The following CAPZA2 variants were observed in gnomAD, a reference collection of about 807,000 sequenced individuals.
CAPZA2 encodes capping actin protein of muscle Z-line subunit alpha 2.
In CAPZA2, 13 loss-of-function variants were observed where a neutral mutation model predicts 44.0. The ratio of observed to expected loss-of-function variants is 0.30; its 90% CI spans 0.19 to 0.47. The LOEUF (loss-of-function observed/expected upper bound fraction) is 0.47. Among genes scored for constraint, CAPZA2 ranks in the 20% least tolerant of loss-of-function variants. The pLI is 1.00. For missense variants in CAPZA2, 244 were observed against 338.6 expected, an observed-to-expected ratio of 0.72 and a Z score of 2.19; for synonymous variants, 94 against 108.2, an observed-to-expected ratio of 0.87 and a Z score of 0.81.
intron 1 of CAPZA2, among the ~76,000 whole-genome samples, chr7:116,880,897 C>T (rs974708982): frequency 6.6e-6 from 1 of 150,764 alleles, no homozygotes; most frequent in Non-Finnish European, 1.5e-5. Context: ...TTAGTAGAGA[C>T]AGGGTTTCTC....
At chr7:116,916,611 C>A (rs577848604) in intron 9 of CAPZA2, among the ~76,000 whole-genome samples, 1 of 151,306 alleles carries the variant, frequency 6.6e-6, no homozygotes. Flanking sequence ...GGTGACAGAG[C>A]GAGACTCCGT....
chr7:116,893,133 T>G, intron 3 of CAPZA2, 88 bp downstream of exon 3: 1 of 862,498 alleles, frequency 1.2e-6, no homozygotes, highest in Non-Finnish European at 1.8e-6. Context: ...TTTTGTGGGT[T>G]TTTTTGTTTT....
intron 9 of CAPZA2, 116 bp from the exon 10 acceptor site, chr7:116,917,610 GT>G: frequency 1.3e-6 from 1 of 782,706 alleles, no homozygotes. Context: ...TTATTTGACT[GT>G]TTAAAAACAG....
chr7:116,889,533 G>A (rs2115922293), intron 2 of CAPZA2, among the ~76,000 whole-genome samples: 1 of 149,912 alleles, frequency 6.7e-6, no homozygotes, highest in South Asian at 2.1e-4. Flanking sequence ...ACCAGCCTGG[G>A]CAACATAGTG....
At chr7:116,912,175 A>G (rs1367071599) in intron 8 of CAPZA2, 35 bp downstream of exon 8, 2 of 1,605,996 alleles carry the variant, frequency 1.2e-6, no homozygotes, top group Non-Finnish European at 1.7e-6. Flanking sequence ...ATTTAACCTA[A>G]TACTTCTGTA....
chr7:116,870,500 C>CA (rs1242131280), intron 1 of CAPZA2, among the ~76,000 whole-genome samples: 5 of 152,160 alleles, frequency 3.3e-5, no homozygotes, highest in Non-Finnish European at 7.3e-5. Flanking sequence ...TCCATCTCAT[C>CA]AATGTTGACA....
chr7:116,879,474 C>G (rs1381483068), intron 1 of CAPZA2, among the ~76,000 whole-genome samples: 1 of 152,060 alleles, frequency 6.6e-6, no homozygotes, highest in Non-Finnish European at 1.5e-5. Flanking sequence ...CAGGGGATAG[C>G]GGGGTGGGGA....
At chr7:116,889,538 A>T (rs1179095335) in intron 2 of CAPZA2, among the ~76,000 whole-genome samples, 1 of 151,504 alleles carries the variant, frequency 6.6e-6, no homozygotes, top group Non-Finnish European at 1.5e-5. Flanking sequence ...CCTGGGCAAC[A>T]TAGTGAGGCC....
intron 1 of CAPZA2, among the ~76,000 whole-genome samples, chr7:116,884,728 A>G (rs572797693): frequency 6.6e-6 from 1 of 152,224 alleles, no homozygotes; most frequent in South Asian, 2.1e-4. Flanking sequence ...ATAAGTTTTT[A>G]TATGAAAATA....
At position 116,870,807 on chromosome 7, in the gene CAPZA2, A is replaced by G. The variant is rs565867391; in HGVS notation, c.39+8157A>G. Among the ~76,000 whole-genome samples, 4 of 152,352 alleles carry G rather than the reference A, an allele frequency of 2.6e-5. No homozygotes were observed. In the South Asian group the frequency reaches 8.3e-4, roughly 32 times the overall value. On this transcript the variant is annotated intron_variant, in intron 1 of 9. Coordinates refer to ENST00000361183, the MANE Select transcript of CAPZA2 (RefSeq NM_006136.3). ...TTAGAGTTGGAATCAAGAAGACTTG[A>G]TAAATGAATATAGGGGAAAGGCGTG...
At chr7:116,891,465 A>G (rs1796845320) in intron 2 of CAPZA2, among the ~76,000 whole-genome samples, 1 of 152,242 alleles carries the variant, frequency 6.6e-6, no homozygotes, top group African/African-American at 2.4e-5. Context: ...GTTAATTTCA[A>G]AATTAAAATA....
rs537160381 is a variant in CAPZA2 at position 116,885,834 on chromosome 7, C to T, written c.40-2293C>T. ...CAGCTCTTCCGAAGCTCTCCAAACC[C>T]TCTTTATGGGTTTTTATGGAGGCAT... On this transcript the variant is annotated intron_variant, in intron 1 of 9. Coordinates refer to ENST00000361183, the MANE Select transcript of CAPZA2 (RefSeq NM_006136.3). Among the ~76,000 whole-genome samples, 6 of 152,268 alleles carry T rather than the reference C, an allele frequency of 3.9e-5. No homozygotes were observed. In the South Asian group the frequency reaches 8.3e-4, roughly 21 times the overall value.
chr7:116,868,124 A>G (rs987449877), intron 1 of CAPZA2, among the ~76,000 whole-genome samples: 2 of 152,194 alleles, frequency 1.3e-5, no homozygotes, highest in Non-Finnish European at 2.9e-5. Context: ...TGAAAATCTC[A>G]GTCATCTCTC....
rs1023698942 is a variant in CAPZA2, at chr7:116,904,801, T to C, written c.426+418T>C. ...AGTTACATTTCTTGTGTTTTTTGTG[T>C]GGTTCTTTCGTAGGTTCAACCTATT... is the stretch of plus-strand genomic sequence containing the variant. On this transcript the variant is annotated intron_variant, in intron 5 of 9. Coordinates refer to ENST00000361183, the MANE Select transcript of CAPZA2 (RefSeq NM_006136.3). The C allele has an allele frequency of 5.1e-5, 8 of 156,786 alleles. No homozygotes were observed. In the Admixed American group the frequency reaches 5.2e-4, roughly 10 times the overall value. The allele number at this position is 156,786 out of a possible 1,614,324, so 9.7% of individuals were successfully genotyped here. A position where few individuals can be genotyped will look rare whatever the true frequency, so the allele number is the denominator to read the frequency against.
intron 4 of CAPZA2, among the ~76,000 whole-genome samples, chr7:116,903,806 A>C (rs1214837018): frequency 6.6e-6 from 1 of 152,202 alleles, no homozygotes; most frequent in Non-Finnish European, 1.5e-5. Context: ...CCCTGATTGG[A>C]GGTTCTCACA....
intron 1 of CAPZA2, among the ~76,000 whole-genome samples, chr7:116,877,151 C>A (rs760487594): frequency 2.0e-5 from 3 of 152,130 alleles, no homozygotes; most frequent in Non-Finnish European, 2.9e-5. Context: ...TCAAGGCACA[C>A]GTAATATTGA....
intron 1 of CAPZA2, chr7:116,873,349 G>T (rs537678225): frequency 6.6e-6 from 1 of 152,246 alleles, no homozygotes; most frequent in South Asian, 2.1e-4. Flanking sequence ...GTATGTCTGT[G>T]TGCTACCATG....
chr7:116,909,496 G>T (rs1791558338), intron 6 of CAPZA2, among the ~76,000 whole-genome samples: 1 of 151,744 alleles, frequency 6.6e-6, no homozygotes, highest in African/African-American at 2.4e-5. Context: ...CCATGAATAT[G>T]TATTTGTATA....
Position 116,904,388 on chromosome 7 carries a change from G to A in CAPZA2, c.426+5G>A. 6.3e-7 allele frequency: 1 copy of A among 1,576,636 alleles called. No homozygotes were observed. The highest frequency in any genetic ancestry group is 8.7e-7 in the Non-Finnish European group (1 of 1,145,906). On this transcript the variant is annotated splice_donor_5th_base_variant and intron_variant, in intron 5 of 9. Transcript: ENST00000361183. The stretch of plus-strand genomic sequence containing the variant: ...TACCCGAATGGAGTCTGCACTGTAA[G>A]TCATCAGTAGCAGCTTTGTGTGTGT...
Sources: gnomAD v4.1 joint callset for allele counts (sites outside exome capture counted in the v4.1 genomes callset) on GRCh38, gnomAD v4.1.1 for gene constraint, MANE v1.5 for transcripts, NCBI Gene and HGNC (gene_info 2026-07-23, HGNC 2026-07-21) for gene names.